Variants in DLG2 observed in about 807,000 individuals in gnomAD.
The protein encoded by DLG2 is discs large MAGUK scaffold protein 2.
A neutral mutation model predicts 132.5 loss-of-function variants in DLG2; 45 were observed. The observed-to-expected ratio is 0.34, with a 90% CI of 0.27 to 0.44. The LOEUF (loss-of-function observed/expected upper bound fraction) is 0.44, where lower values mean the gene tolerates loss of function less well. DLG2 is among the 20% of genes least tolerant of loss of function. The probability of loss-of-function intolerance (pLI) is 1.00; values close to 1 mark genes in which losing one functional copy is unlikely to be tolerated. For missense variants in DLG2, 1,045 were observed against 1,196.9 expected, an observed-to-expected ratio of 0.87 and a Z score of 1.87; for synonymous variants, 424 against 419.6, an observed-to-expected ratio of 1.01 and a Z score of -0.13.
intron 18 of DLG2, among the ~76,000 whole-genome samples, chr11:83,778,659 G>C (rs142952445): frequency 6.6e-6 from 1 of 152,206 alleles, no homozygotes; most frequent in African/African-American, 2.4e-5. Context: ...GATGAAGAGA[G>C]TTTTCTAATT....
At chr11:85,232,886 A>G (rs1188174958) in intron 4 of DLG2, among the ~76,000 whole-genome samples, 1 of 151,998 alleles carries the variant, frequency 6.6e-6, no homozygotes, top group Non-Finnish European at 1.5e-5. Flanking sequence ...GCAGACAGCA[A>G]TATTTCCAAA....
intron 18 of DLG2, among the ~76,000 whole-genome samples, chr11:83,683,479 G>C (rs1173536000): frequency 6.6e-6 from 1 of 152,162 alleles, no homozygotes; most frequent in Non-Finnish European, 1.5e-5. Flanking sequence ...AGAGGCAGAT[G>C]AACAATGAGA....
chr11:84,417,194 T>C (rs972365027), intron 7 of DLG2, among the ~76,000 whole-genome samples: 1 of 152,214 alleles, frequency 6.6e-6, no homozygotes, highest in African/African-American at 2.4e-5. Flanking sequence ...ACACTGAATT[T>C]AGACTTTCTG....
intron 3 of DLG2, among the ~76,000 whole-genome samples, chr11:85,310,531 T>C (rs560485101): frequency 6.6e-5 from 10 of 151,970 alleles, no homozygotes; most frequent in Non-Finnish European, 1.0e-4. Flanking sequence ...CCAGCAGATG[T>C]CTTGGGCATC....
intron 3 of DLG2, among the ~76,000 whole-genome samples, chr11:85,597,467 GTTT>G (rs1214726688): frequency 6.6e-6 from 1 of 151,842 alleles, no homozygotes; most frequent in Admixed American, 6.6e-5. Context: ...TCCATTTAGA[GTTT>G]TTATTTAATA....
chr11:85,166,030 G>A lies in DLG2; in HGVS notation c.187-11379C>T, dbSNP rs373346698. Among the ~76,000 whole-genome samples the A allele has an allele frequency of 6.6e-5, 10 of 151,914 alleles. No individual in the cohort carries two copies. The East Asian group carries it at 1.2e-3, about 18-fold the overall frequency. ...TGGTCCCCAGACCAGCAGCATCAGC[G>A]CCACCCAGAGATTTGTTAGAATCTT... On this transcript the variant is annotated intron_variant, in intron 4 of 27. Transcript: ENST00000376104.
At chr11:84,797,471 C>A (rs565248875) in intron 6 of DLG2, among the ~76,000 whole-genome samples, 1 of 152,154 alleles carries the variant, frequency 6.6e-6, no homozygotes, top group East Asian at 1.9e-4. Flanking sequence ...TTCAAGCTCA[C>A]GATTTCTTTC....
At chr11:84,566,895 G>A (rs1158402830) in intron 6 of DLG2, among the ~76,000 whole-genome samples, 1 of 152,178 alleles carries the variant, frequency 6.6e-6, no homozygotes, top group African/African-American at 2.4e-5. Flanking sequence ...TTCCTTAAGT[G>A]ATTGGCTTCC....
At position 85,377,803 on chromosome 11, in the gene DLG2, A is replaced by ATATATATATATG. The variant is rs35141583; in HGVS notation, c.41-92439_41-92438insCATATATATATA. Among the ~76,000 whole-genome samples the ATATATATATATG allele has an allele frequency of 5.0e-3, 658 of 131,268 alleles. 5 individuals are homozygous for ATATATATATATG. Among genetic ancestry groups the ATATATATATATG allele is most frequent in the African/African-American group, 0.015 (537 of 35,576 alleles). The allele number at this position is 131,268 out of a possible 152,430, so 86.1% of individuals were successfully genotyped here. On this transcript the variant is annotated intron_variant, in intron 3 of 27. Coordinates refer to ENST00000376104, the MANE Select transcript of DLG2 (RefSeq NM_001142699.3). ...TGTATACATATATATATATATATAT[A>ATATATATATATG]TGTGTGTGTGTGTGTGTGTGTATAC...
intron 6 of DLG2, among the ~76,000 whole-genome samples, chr11:85,103,463 A>G (rs1566854663): frequency 6.6e-6 from 1 of 151,970 alleles, no homozygotes; most frequent in Non-Finnish European, 1.5e-5. Context: ...ACTTACAGTC[A>G]GTTGATTTTC....
At chr11:84,951,460 T>G (rs2050903149) in intron 6 of DLG2, among the ~76,000 whole-genome samples, 1 of 152,118 alleles carries the variant, frequency 6.6e-6, no homozygotes, top group Non-Finnish European at 1.5e-5. Flanking sequence ...GGGTAGGACC[T>G]AATTATTAAG....
intron 7 of DLG2, among the ~76,000 whole-genome samples, chr11:84,315,707 A>T (rs1688261404): frequency 6.6e-6 from 1 of 152,168 alleles, no homozygotes; most frequent in Non-Finnish European, 1.5e-5. Flanking sequence ...CTATCTCTCT[A>T]AGCAAAGCTT....
chr11:84,846,058 T>A (rs528184993), intron 6 of DLG2, among the ~76,000 whole-genome samples: 17 of 152,186 alleles, frequency 1.1e-4, no homozygotes, highest in African/African-American at 3.9e-4. Flanking sequence ...CTTTAAAAGT[T>A]GGAGTTTTCT....
intron 10 of DLG2, among the ~76,000 whole-genome samples, chr11:84,097,417 A>T (rs778903684): frequency 4.0e-5 from 6 of 151,880 alleles, no homozygotes; most frequent in Non-Finnish European, 8.8e-5. Context: ...AATTCCCCTT[A>T]CCCTTGACGT....
In DLG2 at chr11:83,455,469, C is replaced by A. The variant is rs943460862; in HGVS notation, c.*4349G>T. ...AGGAGAGAAGAAAAGTCTGCCATCC[C>A]ATTGGGAGTCAACCTTGCCACTTGG... On this transcript the variant is annotated 3_prime_UTR_variant, in exon 28 of 28. Coordinates refer to ENST00000376104, the MANE Select transcript of DLG2 (RefSeq NM_001142699.3). 1.3e-5 allele frequency: 2 copies of A among 152,628 alleles called. No individual in the cohort carries two copies. The highest frequency in any genetic ancestry group is 2.9e-5 in the Non-Finnish European group (2 of 68,070). The allele number at this position is 152,628 out of a possible 1,614,324, so 9.5% of individuals were successfully genotyped here.
chr11:84,006,494 A>C (rs1055111879), intron 11 of DLG2, among the ~76,000 whole-genome samples: 2 of 151,586 alleles, frequency 1.3e-5, no homozygotes, highest in African/African-American at 4.8e-5. Context: ...ATAAATACTT[A>C]AGTATTTAAC....
intron 9 of DLG2, among the ~76,000 whole-genome samples, chr11:84,127,269 GGATTGAACTCTCAGCATACCCA>G (rs1241216943): frequency 1.2e-4 from 19 of 152,140 alleles, no homozygotes; most frequent in African/African-American, 4.6e-4. Flanking sequence ...TTTAGGACTA[GGATTGAACTCTCAGCATACCCA>G]GTTCTGACAT....
At chr11:85,397,812 C>T (rs1238322221) in intron 3 of DLG2, among the ~76,000 whole-genome samples, 1 of 152,064 alleles carries the variant, frequency 6.6e-6, no homozygotes, top group African/African-American at 2.4e-5. Context: ...GTCTTAGACT[C>T]CCAAACAATA....
At chr11:84,195,187 TG>T (rs1015299726) in intron 8 of DLG2, among the ~76,000 whole-genome samples, 5 of 152,168 alleles carry the variant, frequency 3.3e-5, no homozygotes, top group African/African-American at 1.2e-4. Flanking sequence ...TTTTTTGAGA[TG>T]GAGTCCCACT....
Sources: gnomAD v4.1 joint callset for allele counts (sites outside exome capture counted in the v4.1 genomes callset) on GRCh38, gnomAD v4.1.1 for gene constraint, MANE v1.5 for transcripts, NCBI Gene and HGNC (gene_info 2026-07-23, HGNC 2026-07-21) for gene names.